Variants in VSIG10L observed in about 807,000 individuals in gnomAD.
The protein encoded by VSIG10L is V-set and immunoglobulin domain containing 10 like.
VSIG10L carries 63 observed loss-of-function variants against 67.3 expected under a neutral mutation model. The observed-to-expected ratio is 0.94, with a 90% confidence interval of 0.76 to 1.15. The LOEUF (loss-of-function observed/expected upper bound fraction) is 1.15. Among genes scored for constraint, VSIG10L ranks in the 50% most tolerant of loss-of-function variants. The pLI, the probability that VSIG10L is intolerant of heterozygous loss-of-function variation, is 0.00. For synonymous variants in VSIG10L, 499 were observed against 524.9 expected (o/e 0.95, Z 0.67); for missense variants, 1,050 against 1,177.5 (o/e 0.89, Z 1.58).
chr19:51,335,753 T>G (rs555239384), intron 7 of VSIG10L, among the ~76,000 whole-genome samples: 1 of 151,762 alleles, frequency 6.6e-6, no homozygotes, highest in Admixed American at 6.6e-5. Flanking sequence ...TGCTAAAAAT[T>G]CAAAAAAAAT....
At position 51,337,979 on chromosome 19, in the gene VSIG10L, C is replaced by T. The variant is rs943313980; in HGVS notation, c.1959G>A (p.Val653=). 1.3e-6 allele frequency: 2 copies of T among 1,551,526 alleles called. No individual in the cohort carries two copies. The highest frequency in any genetic ancestry group is 1.4e-5 in the African/African-American group (1 of 73,036). Reference sequence around the variant, plus strand: ...CAGCACCCAGCGCCCCACTGCACAGCACGGAGTAATTTCCCAGGTCCCAAT... The same window carrying T: ...CAGCACCCAGCGCCCCACTGCACAGTACGGAGTAATTTCCCAGGTCCCAAT... ...SLDWDLGNYS[V]LCSGALGAGG... The change falls in exon 6 of 10, where the codon GTG becomes GTA. Residue 653 remains valine, a synonymous_variant. Transcript: ENST00000335624.
chr19:51,333,833 G>C lies in VSIG10L; in HGVS notation c.2532C>G (p.Leu844=). ...TPVEISWPLD[L]KVPLEDHSST... ...AGCTGTGGTCCTCCAGAGGGACTTT[G>C]AGGTCCAGAGGCCATGAAATCTCCA... The change falls in exon 9 of 10, where the codon CTC becomes CTG. Residue 844 remains leucine, a synonymous_variant. Transcript: ENST00000335624. 1 of 1,551,516 alleles carries C rather than the reference G, an allele frequency of 6.4e-7. No homozygotes were observed. The highest frequency in any genetic ancestry group is 8.7e-7 in the Non-Finnish European group (1 of 1,146,942).
chr19:51,340,572 T>G lies in VSIG10L; in HGVS notation c.1050A>C (p.Gly350=). The change falls in exon 3 of 10, where the codon GGA becomes GGC. Residue 350 remains glycine, a synonymous_variant. Coordinates refer to ENST00000335624, the MANE Select transcript of VSIG10L (RefSeq NM_001163922.3). This position sits in a 1 kb window ranked among gnomAD's most constrained non-coding sequence, Gnocchi z 6.3. ...GRALEAAESE[G]AETPRMRSEG... The stretch of plus-strand genomic sequence containing the variant: ...CTGAGCGCATCCGGGGCGTCTCGGC[T>G]CCCTCCGATTCCGCCGCCTCCAGGG... 2.0e-6 allele frequency: 3 copies of G among 1,535,274 alleles called. No individual in the cohort carries two copies. The highest frequency in any genetic ancestry group is 1.7e-6 in the Non-Finnish European group (2 of 1,146,118).
rs747922121 is a variant in VSIG10L at position 51,341,316 on chromosome 19, C to G, written c.732G>C (p.Leu244=). ...CTCGGTGAGCAGGGTCCAGGCTGAT[C>G]AGAGGTGCCCCTGGCCCCAGGCCCC... The part of the protein sequence containing the change: ...AAGGLGPGAP[L]ISLDPAHRDH... The change falls in exon 2 of 10, where the codon CTG becomes CTC. Residue 244 remains leucine, a synonymous_variant. Transcript: ENST00000335624. 22 of 1,544,174 alleles carry G rather than the reference C, an allele frequency of 1.4e-5. No individual in the cohort carries two copies. The South Asian group carries it at 2.6e-4, about 18-fold the overall frequency.
At chr19:51,335,421 G>C (rs922868829) in intron 7 of VSIG10L, among the ~76,000 whole-genome samples, 1 of 152,184 alleles carries the variant, frequency 6.6e-6, no homozygotes, top group Non-Finnish European at 1.5e-5. Context: ...TGTTTGACCA[G>C]AGCCTTGGGG....
chr19:51,341,565 T>C lies in VSIG10L; in HGVS notation c.483A>G (p.Ser161=). 1 of 1,551,718 alleles carries C rather than the reference T, an allele frequency of 6.4e-7. No individual in the cohort carries two copies. The highest frequency in any genetic ancestry group is 8.7e-7 in the Non-Finnish European group (1 of 1,147,004). Residue 161 remains serine, a synonymous_variant, in exon 2 of 10, where the codon TCA becomes TCG. Coordinates refer to ENST00000335624, the MANE Select transcript of VSIG10L (RefSeq NM_001163922.3). ...GATCCATATCATCCGGGGAGAATTT[T>C]GAATCTGGGGCCTCAACAGACAGTT... The part of the protein sequence containing the change: ...HTKLSVEAPD[S]KFSPDDMDLK...
chr19:51,338,880 CCT>C lies in VSIG10L; in HGVS notation c.1729+6_1729+7del. 1.5e-6 allele frequency: 2 copies of C among 1,371,382 alleles called. No homozygotes were observed. The highest frequency in any genetic ancestry group is 1.9e-6 in the Non-Finnish European group (2 of 1,054,612). The allele number at this position is 1,371,382 out of a possible 1,614,324, so 85.0% of individuals were successfully genotyped here. A position where few individuals can be genotyped will look rare whatever the true frequency, so the allele number is the denominator to read the frequency against. On this transcript the variant is annotated splice_donor_region_variant and intron_variant, in intron 5 of 9. Coordinates refer to ENST00000335624, the MANE Select transcript of VSIG10L (RefSeq NM_001163922.3). ...GAGAAACAGCAAAAAAGCCCCGCGCCCTCTCACCCGGCGTGACTGTGCAGGTA... is the reference window on the plus strand; with the variant it reads ...GAGAAACAGCAAAAAAGCCCCGCGCCCTCACCCGGCGTGACTGTGCAGGTA...
intron 9 of VSIG10L, among the ~76,000 whole-genome samples, 200 bp from the exon 10 acceptor site, chr19:51,332,840 TTTATTTA>T (rs1985391334): frequency 6.9e-6 from 1 of 145,096 alleles, no homozygotes; most frequent in South Asian, 2.4e-4. Flanking sequence ...GTTGTTATTT[TTTATTTA>T]TTTATTTATT....
Position 51,340,050 on chromosome 19 carries a change from C to T in VSIG10L, c.1439G>A (p.Arg480His). 7 of 1,435,902 alleles carry T rather than the reference C, an allele frequency of 4.9e-6. No individual in the cohort carries two copies. The highest frequency in any genetic ancestry group is 2.5e-4 in the Middle Eastern group (1 of 4,000). 88.9% of individuals were successfully genotyped at this position (1,435,902 alleles called of 1,614,324 possible). The stretch of plus-strand genomic sequence containing the variant: ...AAGGTTGAGCAGCGAGCGGCGGCGG[C>T]GGCCGGTACGCGGGTTCGCCGCCAG... ...ACLAANPRTGRRRRSLLNLTV... is the reference protein window; with the variant it reads ...ACLAANPRTGHRRRSLLNLTV... The change falls in exon 4 of 10, where the codon CGC becomes CAC. Residue 480 changes from arginine to histidine, a missense_variant. This residue lies in a region of VSIG10L where 529 missense variants were observed against 584.9 expected (regional missense o/e 0.90). Coordinates refer to ENST00000335624, the MANE Select transcript of VSIG10L (RefSeq NM_001163922.3). This position sits in a 1 kb window ranked among gnomAD's most constrained non-coding sequence, Gnocchi z 6.3.
At position 51,333,914 on chromosome 19, in the gene VSIG10L, A is replaced by G; in HGVS notation, c.2451T>C (p.Ser817=). 1 of 1,551,654 alleles carries G rather than the reference A, an allele frequency of 6.4e-7. No homozygotes were observed. The highest frequency in any genetic ancestry group is 2.0e-5 in the Admixed American group (1 of 50,982). Residue 817 remains serine, a synonymous_variant, in exon 9 of 10, where the codon TCT becomes TCC. Coordinates refer to ENST00000335624, the MANE Select transcript of VSIG10L (RefSeq NM_001163922.3). ...GKTPEKKKHP[S]TLVPVVTPSE... ...AGGGGGTGACCACGGGGACCAAGGT[A>G]GAAGGATGCTTCTTTTTCTCAGGAG...
intron 5 of VSIG10L, 37 bp downstream of exon 5, chr19:51,338,851 C>T: frequency 1.5e-6 from 2 of 1,355,944 alleles, no homozygotes. Flanking sequence ...TCTCCCTCCT[C>T]CTCGAGAAAC....
intron 9 of VSIG10L, among the ~76,000 whole-genome samples, chr19:51,333,514 G>A (rs1985405003): frequency 6.7e-6 from 1 of 149,338 alleles, no homozygotes; most frequent in Non-Finnish European, 1.5e-5. Context: ...GGGCAACAAA[G>A]TGAGACTCTG....
chr19:51,334,838 G>C (rs1021563567), intron 7 of VSIG10L, among the ~76,000 whole-genome samples: 2 of 69,246 alleles, frequency 2.9e-5, no homozygotes, highest in Non-Finnish European at 5.2e-5. Flanking sequence ...CTACTCAGGA[G>C]ACTGAGGCAA....
At position 51,338,881 on chromosome 19, in the gene VSIG10L, C is replaced by T; in HGVS notation, c.1729+7G>A. 1 of 1,373,656 alleles carries T rather than the reference C, an allele frequency of 7.3e-7. No homozygotes were observed. The highest frequency in any genetic ancestry group is 1.7e-5 in the South Asian group (1 of 59,630). The allele number at this position is 1,373,656 out of a possible 1,614,324, so 85.1% of individuals were successfully genotyped here. ...AGAAACAGCAAAAAAGCCCCGCGCC[C>T]TCTCACCCGGCGTGACTGTGCAGGT... On this transcript the variant is annotated splice_region_variant and intron_variant, in intron 5 of 9. Coordinates refer to ENST00000335624, the MANE Select transcript of VSIG10L (RefSeq NM_001163922.3).
Position 51,333,822 on chromosome 19 carries a change from A to G in VSIG10L, c.2543T>C (p.Leu848Pro). The G allele has an allele frequency of 1.3e-6, 2 of 1,551,402 alleles. No individual in the cohort carries two copies. The highest frequency in any genetic ancestry group is 1.7e-6 in the Non-Finnish European group (2 of 1,146,916). The change falls in exon 9 of 10, where the codon CTG becomes CCG. Residue 848 changes from leucine to proline, a missense_variant. Physicochemically the swap from Leu to Pro is moderately conservative, Grantham distance 98. Coordinates refer to ENST00000335624, the MANE Select transcript of VSIG10L (RefSeq NM_001163922.3). Reference sequence around the variant, plus strand: ...GGCCCTAGTTGAGCTGTGGTCCTCCAGAGGGACTTTGAGGTCCAGAGGCCA... The same window carrying G: ...GGCCCTAGTTGAGCTGTGGTCCTCCGGAGGGACTTTGAGGTCCAGAGGCCA... The part of the protein sequence containing the change: ...ISWPLDLKVP[L>P]EDHSSTRAYQ...
At chr19:51,339,431 C>G (rs1985569313) in intron 4 of VSIG10L, among the ~76,000 whole-genome samples, 1 of 152,182 alleles carries the variant, frequency 6.6e-6, no homozygotes, top group Non-Finnish European at 1.5e-5. Flanking sequence ...CCACCCACTT[C>G]TGCCAGGTTA....
chr19:51,338,164 G>A lies in VSIG10L; in HGVS notation c.1774C>T (p.Arg592Trp), dbSNP rs1428392303. Residue 592 changes from arginine to tryptophan, a missense_variant, in exon 6 of 10, where the codon CGG becomes TGG. By Grantham distance (101) the Arg-to-Trp change is moderately radical. Around this residue, in one of 3 missense-constraint regions of VSIG10L, gnomAD observed 529 missense variants for 584.9 expected, o/e 0.90. Transcript: ENST00000335624. ...AGTGCCACCTCTGCCTCCCCCAACC[G>A]TGTCTCTGCCACCAGCGGATGCAGC... ...VLLHPLVAET[R>W]LGEAEVALEA... is the part of the protein sequence containing the mutation. The A allele has an allele frequency of 1.3e-6, 2 of 1,511,684 alleles. No individual in the cohort carries two copies. The highest frequency in any genetic ancestry group is 2.5e-5 in the East Asian group (1 of 40,494). The allele number at this position is 1,511,684 out of a possible 1,614,324, so 93.6% of individuals were successfully genotyped here.
At position 51,337,324 on chromosome 19, in the gene VSIG10L, C is replaced by T. The variant is rs1337487247; in HGVS notation, c.2219G>A (p.Arg740Gln). ...CCGAAAGGTCCAGGTCCCTGGGTTC[C>T]GAGGTGGAAGGGGCACCACGGCTGA... ...ERSAVVPLPPRNPGTWTFRIL... is the reference protein window; with the variant it reads ...ERSAVVPLPPQNPGTWTFRIL... The change falls in exon 7 of 10, where the codon CGG becomes CAG. Residue 740 changes from arginine to glutamine, a missense_variant. Physicochemically the swap from Arg to Gln is conservative, Grantham distance 43 (BLOSUM62 1). Transcript: ENST00000335624. 7.1e-6 allele frequency: 11 copies of T among 1,551,568 alleles called. No individual in the cohort carries two copies. The highest frequency in any genetic ancestry group is 2.0e-5 in the Admixed American group (1 of 50,986).
At chr19:51,341,086 T>C (rs2123559281) in intron 2 of VSIG10L, 67 bp downstream of exon 2, 1 of 1,450,052 alleles carries the variant, frequency 6.9e-7, no homozygotes, top group Non-Finnish European at 9.1e-7. Context: ...GCACCGTGAC[T>C]TGCCCAAAGC....
Sources: gnomAD v4.1 joint callset for allele counts (sites outside exome capture counted in the v4.1 genomes callset) on GRCh38, gnomAD v4.1.1 for gene constraint, gnomAD v4.1.1 regional missense constraint, Gnocchi (gnomAD v3.1) non-coding constraint, MANE v1.5 for transcripts, NCBI Gene and HGNC (gene_info 2026-07-23, HGNC 2026-07-21) for gene names.